SLC25A48: variants seen among roughly 807,000 people sequenced by gnomAD.
SLC25A48 encodes solute carrier family 25 member 48, also known as CTC-321K16.1.
In SLC25A48, 29 loss-of-function variants were observed where a neutral mutation model predicts 32.2. The observed-to-expected ratio is 0.90, with a 90% CI of 0.67 to 1.23. The LOEUF (loss-of-function observed/expected upper bound fraction) is 1.23. SLC25A48 is among the 50% of genes most tolerant of loss of function. The probability of loss-of-function intolerance (pLI) is 0.00; values close to 1 mark genes in which losing one functional copy is unlikely to be tolerated. For missense variants in SLC25A48, 399 were observed against 422.7 expected, an observed-to-expected ratio of 0.94 and a Z score of 0.49; for synonymous variants, 164 against 172.3, an observed-to-expected ratio of 0.95 and a Z score of 0.38.
intron 3 of SLC25A48, among the ~76,000 whole-genome samples, chr5:135,696,727 C>T (rs1248860476): frequency 2.0e-5 from 3 of 152,150 alleles, no homozygotes; most frequent in Non-Finnish European, 2.9e-5. Context: ...TCACTCATTC[C>T]CTGTACACCT....
chr5:135,734,901 C>A (rs1309705101), intron 3 of SLC25A48, among the ~76,000 whole-genome samples: 1 of 151,952 alleles, frequency 6.6e-6, no homozygotes, highest in Non-Finnish European at 1.5e-5. Context: ...CTGTGATGGT[C>A]CAGGAAGCTT....
At chr5:135,839,163 T>C (rs1439897099) in intron 1 of SLC25A48, among the ~76,000 whole-genome samples, 1 of 152,226 alleles carries the variant, frequency 6.6e-6, no homozygotes, top group African/African-American at 2.4e-5. Context: ...TCCTTTGCAG[T>C]GGGGCATGCA....
chr5:135,746,526 G>A (rs1039440154), intron 3 of SLC25A48, among the ~76,000 whole-genome samples: 3 of 152,158 alleles, frequency 2.0e-5, no homozygotes, highest in Admixed American at 6.5e-5. Context: ...GGTACAATCC[G>A]ATTCTCCGGT....
chr5:135,763,790 C>CACACACGA (rs1554072856), intron 3 of SLC25A48, among the ~76,000 whole-genome samples: 7 of 151,198 alleles, frequency 4.6e-5, no homozygotes, highest in African/African-American at 1.2e-4. Flanking sequence ...CACACACACA[C>CACACACGA]GAGAGAGAGA....
At chr5:135,850,164 T>C (rs1437750461) in intron 2 of SLC25A48, among the ~76,000 whole-genome samples, 4 of 152,096 alleles carry the variant, frequency 2.6e-5, no homozygotes, top group African/African-American at 9.7e-5. Flanking sequence ...GAGGTGGGGA[T>C]CATACAATCA....
chr5:135,755,529 T>G (rs1755877334), intron 3 of SLC25A48, among the ~76,000 whole-genome samples: 1 of 152,026 alleles, frequency 6.6e-6, no homozygotes, highest in Non-Finnish European at 1.5e-5. Flanking sequence ...AATATCACTG[T>G]GGTATTTATC....
At chr5:135,583,830 C>T (rs1378773409) in intron 1 of SLC25A48, among the ~76,000 whole-genome samples, 1 of 152,178 alleles carries the variant, frequency 6.6e-6, no homozygotes, top group African/African-American at 2.4e-5. Flanking sequence ...TCCAGCTCCT[C>T]CCTCTGTCTG....
intron 7 of SLC25A48, among the ~76,000 whole-genome samples, chr5:135,881,185 G>C (rs1479522456): frequency 1.3e-5 from 2 of 152,242 alleles, no homozygotes; most frequent in African/African-American, 4.8e-5. Flanking sequence ...AAGCTCAGAA[G>C]ACAAAGTAAG....
Position 135,654,505 on chromosome 5 carries a change from G to A in SLC25A48, c.-521+19549G>A, listed in dbSNP as rs192246804. Reference sequence around the variant, plus strand: ...AATTCCACAGAAAGCTGTTTTCTCTGCATCTCATGGTGGGCCTAAAGTTGT... The same window carrying A: ...AATTCCACAGAAAGCTGTTTTCTCTACATCTCATGGTGGGCCTAAAGTTGT... On this transcript the variant is annotated intron_variant, in intron 3 of 10. Transcript: ENST00000646290. Among the ~76,000 whole-genome samples the A allele has an allele frequency of 2.9e-4, 44 of 152,292 alleles. No homozygotes were observed. In the East Asian group the frequency reaches 6.6e-3, roughly 23 times the overall value.
intron 3 of SLC25A48, among the ~76,000 whole-genome samples, chr5:135,798,555 C>A (rs1360784679): frequency 4.0e-5 from 6 of 151,476 alleles, no homozygotes; most frequent in African/African-American, 1.5e-4. Flanking sequence ...GTACACCCCC[C>A]TTGTGATATT....
chr5:135,681,796 A>G (rs1004691803), intron 3 of SLC25A48, among the ~76,000 whole-genome samples: 6 of 152,170 alleles, frequency 3.9e-5, no homozygotes, highest in African/African-American at 1.4e-4. Flanking sequence ...GTCTAAGACT[A>G]GTTTTTTTTC....
chr5:135,860,486 C>G (rs1369353058), intron 4 of SLC25A48, among the ~76,000 whole-genome samples: 1 of 152,210 alleles, frequency 6.6e-6, no homozygotes, highest in Non-Finnish European at 1.5e-5. Context: ...GTCACAACCC[C>G]ACTTTATCGG....
intron 1 of SLC25A48, among the ~76,000 whole-genome samples, chr5:135,612,845 A>T (rs1301282945): frequency 2.0e-5 from 3 of 152,168 alleles, no homozygotes; most frequent in Admixed American, 1.3e-4. Context: ...GATTGATTCC[A>T]TATCTTGGTA....
At chr5:135,867,354 T>C (rs968122948) in intron 4 of SLC25A48, among the ~76,000 whole-genome samples, 10 of 152,166 alleles carry the variant, frequency 6.6e-5, no homozygotes, top group African/African-American at 2.4e-4. Flanking sequence ...TGTGCATATT[T>C]CCAAGACTGA....
intron 1 of SLC25A48, among the ~76,000 whole-genome samples, chr5:135,597,623 G>A (rs1403427180): frequency 6.6e-6 from 1 of 152,250 alleles, no homozygotes; most frequent in Non-Finnish European, 1.5e-5. Flanking sequence ...TCTGGTGTGA[G>A]TGCATCCAAT....
upstream of SLC25A48, among the ~76,000 whole-genome samples, chr5:135,831,748 T>G (rs1758215146): frequency 6.6e-6 from 1 of 152,170 alleles, no homozygotes; most frequent in Non-Finnish European, 1.5e-5. Flanking sequence ...CACAACACAC[T>G]GGGGAATTGG....
intron 3 of SLC25A48, among the ~76,000 whole-genome samples, chr5:135,802,815 C>T (rs1757366813): frequency 6.7e-6 from 1 of 149,174 alleles, no homozygotes; most frequent in Non-Finnish European, 1.5e-5. Context: ...TTGTAATATC[C>T]TAGGGAAATA....
chr5:135,737,865 T>A (rs752753572), intron 3 of SLC25A48, among the ~76,000 whole-genome samples: 23 of 152,162 alleles, frequency 1.5e-4, no homozygotes, highest in Non-Finnish European at 2.9e-4. Context: ...CAGCACCCAG[T>A]GGTGTCTCAA....
At chr5:135,632,649 A>G (rs905012279) in intron 2 of SLC25A48, among the ~76,000 whole-genome samples, 2 of 152,230 alleles carry the variant, frequency 1.3e-5, no homozygotes, top group South Asian at 2.1e-4. Flanking sequence ...CAGTAGGAAG[A>G]ACATTCAAAC....
Sources: gnomAD v4.1 joint callset for allele counts (sites outside exome capture counted in the v4.1 genomes callset) on GRCh38, gnomAD v4.1.1 for gene constraint, MANE v1.5 for transcripts, NCBI Gene and HGNC (gene_info 2026-07-23, HGNC 2026-07-21) for gene names.